DNAAF4: variants seen among roughly 807,000 people sequenced by gnomAD.
DNAAF4 encodes dynein axonemal assembly factor 4.
Under a neutral mutation model 51.8 loss-of-function variants are expected in DNAAF4, and 43 were observed. That is an observed-to-expected ratio of 0.83 (90% confidence interval 0.65 to 1.07). The LOEUF (loss-of-function observed/expected upper bound fraction) is 1.07. DNAAF4 is among the 50% of genes least tolerant of loss of function. The probability of loss-of-function intolerance (pLI) is 0.00; values close to 1 mark genes in which losing one functional copy is unlikely to be tolerated. For missense variants in DNAAF4, 581 were observed against 493.0 expected, an observed-to-expected ratio of 1.18 and a Z score of -1.69; for synonymous variants, 194 against 165.6, an observed-to-expected ratio of 1.17 and a Z score of -1.32.
At position 55,498,195 on chromosome 15, in the gene DNAAF4, T is replaced by G; in HGVS notation, c.123+12A>C. 2 of 1,613,982 alleles carry G rather than the reference T, an allele frequency of 1.2e-6. No individual in the cohort carries two copies. The highest frequency in any genetic ancestry group is 1.7e-6 in the Non-Finnish European group (2 of 1,179,958). On this transcript the variant is annotated intron_variant, in intron 2 of 9. Coordinates refer to ENST00000321149, the MANE Select transcript of DNAAF4 (RefSeq NM_130810.4). Reference sequence around the variant, plus strand: ...ACCCCCGGAGACCGGCAGGCAAGACTTGCATTCTTACCTTCAGATAGTTTT... The same window carrying G: ...ACCCCCGGAGACCGGCAGGCAAGACGTGCATTCTTACCTTCAGATAGTTTT...
At chr15:55,469,759 G>C (rs963656549) in intron 4 of DNAAF4, among the ~76,000 whole-genome samples, 3 of 151,582 alleles carry the variant, frequency 2.0e-5, no homozygotes, top group African/African-American at 7.3e-5. Flanking sequence ...CAAAGTGCTG[G>C]GATTACAGGC....
intron 3 of DNAAF4, among the ~76,000 whole-genome samples, chr15:55,493,998 T>A (rs2058606883): frequency 6.6e-6 from 1 of 151,788 alleles, no homozygotes; most frequent in East Asian, 1.9e-4. Flanking sequence ...TGAGCCACTG[T>A]AACCTGGCAA....
At chr15:55,421,529 T>C (rs1254739218) in intron 7 of DNAAF4, among the ~76,000 whole-genome samples, 1 of 152,050 alleles carries the variant, frequency 6.6e-6, no homozygotes, top group Admixed American at 6.6e-5. Flanking sequence ...TCAGGATAAG[T>C]AGCTGAAAAT....
intron 4 of DNAAF4, among the ~76,000 whole-genome samples, chr15:55,483,580 G>A (rs1009958237): frequency 1.6e-4 from 25 of 151,890 alleles, no homozygotes; most frequent in African/African-American, 4.1e-4. Flanking sequence ...TCACTCTGTC[G>A]CCCAGGCTGG....
chr15:55,455,971 G>A (rs1251377106), intron 5 of DNAAF4, among the ~76,000 whole-genome samples: 1 of 151,694 alleles, frequency 6.6e-6, no homozygotes, highest in Non-Finnish European at 1.5e-5. Context: ...CTGGCACATA[G>A]TAGTCACCTA....
intron 3 of DNAAF4, among the ~76,000 whole-genome samples, chr15:55,492,932 T>C (rs530843503): frequency 6.6e-6 from 1 of 152,180 alleles, no homozygotes; most frequent in African/African-American, 2.4e-5. Context: ...ATAAAAGAGG[T>C]ATCTCTGATA....
At chr15:55,477,295 C>A (rs1466773056) in intron 4 of DNAAF4, among the ~76,000 whole-genome samples, 1 of 152,048 alleles carries the variant, frequency 6.6e-6, no homozygotes, top group Non-Finnish European at 1.5e-5. Flanking sequence ...TATTTTACCA[C>A]AATTAGAAAA....
chr15:55,436,053 G>A (rs989301589), intron 7 of DNAAF4, among the ~76,000 whole-genome samples: 1 of 152,328 alleles, frequency 6.6e-6, no homozygotes, highest in South Asian at 2.1e-4. Flanking sequence ...CTCCCAAAGC[G>A]CTGGGATTAC....
At chr15:55,441,997 T>C (rs1393581420) in intron 6 of DNAAF4, among the ~76,000 whole-genome samples, 1 of 152,232 alleles carries the variant, frequency 6.6e-6, no homozygotes, top group African/African-American at 2.4e-5. Flanking sequence ...TTCCCTGCCA[T>C]GTATTTATTC....
At chr15:55,476,880 G>A (rs2058341990) in intron 4 of DNAAF4, among the ~76,000 whole-genome samples, 1 of 152,096 alleles carries the variant, frequency 6.6e-6, no homozygotes, top group Non-Finnish European at 1.5e-5. Context: ...GACGAAATGA[G>A]TTCTGGAGGG....
intron 4 of DNAAF4, among the ~76,000 whole-genome samples, chr15:55,469,629 T>C (rs529607987): frequency 6.6e-6 from 1 of 151,524 alleles, no homozygotes; most frequent in East Asian, 2.0e-4. Context: ...ACTACAGGTG[T>C]CTGCCACCAC....
intron 1 of DNAAF4, among the ~76,000 whole-genome samples, chr15:55,501,064 T>A (rs1432012342): frequency 1.3e-5 from 2 of 151,672 alleles, no homozygotes; most frequent in African/African-American, 2.4e-5. Context: ...AAGAAAGGAT[T>A]TTTTTGTTGT....
At chr15:55,504,518 A>G (rs2141614476) in intron 1 of DNAAF4, among the ~76,000 whole-genome samples, 1 of 152,344 alleles carries the variant, frequency 6.6e-6, no homozygotes, top group Admixed American at 6.5e-5. Context: ...CTGACTTCAA[A>G]CTATACTACA....
chr15:55,474,777 A>G (rs1390604184), intron 4 of DNAAF4, among the ~76,000 whole-genome samples: 1 of 152,070 alleles, frequency 6.6e-6, no homozygotes, highest in Non-Finnish European at 1.5e-5. Flanking sequence ...TTGGGAGTTC[A>G]AGACCAGCCT....
intron 7 of DNAAF4, among the ~76,000 whole-genome samples, chr15:55,420,984 G>A (rs1025940184): frequency 5.3e-5 from 8 of 151,682 alleles, no homozygotes; most frequent in Non-Finnish European, 1.0e-4. Flanking sequence ...AGGTCAGCAG[G>A]TCGAGACCAG....
At chr15:55,470,547 T>G (rs989428761) in intron 4 of DNAAF4, among the ~76,000 whole-genome samples, 19 of 150,852 alleles carry the variant, frequency 1.3e-4, no homozygotes, top group African/African-American at 4.4e-4. Flanking sequence ...TGACTGGGTT[T>G]TTTTTTTTTT....
At chr15:55,494,280 C>T (rs1187375057) in intron 3 of DNAAF4, among the ~76,000 whole-genome samples, 2 of 152,082 alleles carry the variant, frequency 1.3e-5, no homozygotes, top group Admixed American at 6.6e-5. Flanking sequence ...CAGCCCGCCT[C>T]GGCCTACCAA....
rs2057475892 is a variant in DNAAF4 at position 55,430,501 on chromosome 15, T to TAAGTAAACAGTTTATTTTCATA, written c.*168_*169insTATGAAAATAAACTGTTTACTT. ...TTATTTAGATTTACTTATTCAGAAATGATTCAAGTCAAACAGTTTATTTTC... is the reference window on the plus strand; with the variant it reads ...TTATTTAGATTTACTTATTCAGAAATAAGTAAACAGTTTATTTTCATAGATTCAAGTCAAACAGTTTATTTTC... On this transcript the variant is annotated 3_prime_UTR_variant, in exon 10 of 10. Coordinates refer to ENST00000321149, the MANE Select transcript of DNAAF4 (RefSeq NM_130810.4). 8.4e-7 allele frequency: 1 copy of TAAGTAAACAGTTTATTTTCATA among 1,192,460 alleles called. No individual in the cohort carries two copies. Among genetic ancestry groups the TAAGTAAACAGTTTATTTTCATA allele is most frequent in the Non-Finnish European group, 1.1e-6 (1 of 947,298 alleles). 73.9% of individuals were successfully genotyped at this position (1,192,460 alleles called of 1,614,324 possible).
At chr15:55,463,403 A>G (rs550245901) in intron 5 of DNAAF4, among the ~76,000 whole-genome samples, 1 of 152,218 alleles carries the variant, frequency 6.6e-6, no homozygotes, top group East Asian at 1.9e-4. Context: ...TTTCACCAAC[A>G]CTATTTAACA....
Sources: allele counts gnomAD v4.1 joint callset (sites outside exome capture counted in the v4.1 genomes callset), GRCh38; gene constraint gnomAD v4.1.1; transcripts MANE v1.5; gene names NCBI Gene and HGNC (gene_info 2026-07-23, HGNC 2026-07-21).